Variants in CD9 observed in about 807,000 individuals in gnomAD.
CD9 encodes the protein CD9 molecule.
In CD9, 10 loss-of-function variants were observed where a neutral mutation model predicts 31.4. The observed-to-expected ratio is 0.32, with a 90% CI of 0.20 to 0.54. The LOEUF is 0.54. Among genes scored for constraint, CD9 ranks in the 20% least tolerant of loss-of-function variants. CD9 has a pLI of 0.94. For missense variants in CD9, 259 were observed against 300.1 expected (o/e 0.86, Z 1.01); for synonymous variants, 113 against 114.1 (o/e 0.99, Z 0.06).
Position 6,204,988 on chromosome 12 carries a change from T to C in CD9, c.66+4423T>C, listed in dbSNP as rs568555092. ...GAAGGCCCCGCTTCTGAAAATAAAA[T>C]TGCCTGTCAGAGAAACCCTAAGGAT... On this transcript the variant is annotated intron_variant, in intron 1 of 7. Coordinates refer to ENST00000009180, the MANE Select transcript of CD9 (RefSeq NM_001769.4). Among the ~76,000 whole-genome samples the C allele has an allele frequency of 1.2e-3, 184 of 152,302 alleles. 4 individuals are homozygous for C. In the South Asian group the frequency reaches 0.031, roughly 26 times the overall value.
Position 6,233,425 on chromosome 12 carries a change from T to G in CD9, c.287T>G (p.Leu96Arg). 1 of 1,614,098 alleles carries G rather than the reference T, an allele frequency of 6.2e-7. No individual in the cohort carries two copies. The highest frequency in any genetic ancestry group is 8.5e-7 in the Non-Finnish European group (1 of 1,179,908). ...GTTGCCTTCCAGTTCTTCGGCTTCC[T>G]CTTGGTGATATTCGCCATTGAAATA... Reference protein sequence around the residue: ...QCMLGLFFGFLLVIFAIEIAA... With the variant: ...QCMLGLFFGFRLVIFAIEIAA... Residue 96 changes from leucine to arginine, a missense_variant, in exon 4 of 8, where the codon CTC (leucine) becomes CGC (arginine). Coordinates refer to ENST00000009180, the MANE Select transcript of CD9 (RefSeq NM_001769.4).
chr12:6,234,530 G>T (rs555302734), intron 4 of CD9: 3 of 152,222 alleles, frequency 2.0e-5, no homozygotes, highest in African/African-American at 7.2e-5. Context: ...AAATAGGAGG[G>T]GATCATTGTG....
intron 7 of CD9, among the ~76,000 whole-genome samples, chr12:6,237,436 G>A (rs892453211): frequency 6.6e-6 from 1 of 152,050 alleles, no homozygotes; most frequent in African/African-American, 2.4e-5. Flanking sequence ...AAATGCAAAA[G>A]TACTAACCTG....
Position 6,238,001 on chromosome 12 carries a change from C to G in CD9, c.*173C>G. 1 of 537,976 alleles carries G rather than the reference C, an allele frequency of 1.9e-6. No individual in the cohort carries two copies. Among genetic ancestry groups the G allele is most frequent in the Non-Finnish European group, 3.4e-6 (1 of 297,934 alleles). 33.3% of individuals were successfully genotyped at this position (537,976 alleles called of 1,614,324 possible). A position where few individuals can be genotyped will look rare whatever the true frequency, so the allele number is the denominator to read the frequency against. On this transcript the variant is annotated 3_prime_UTR_variant, in exon 8 of 8. Coordinates refer to ENST00000009180, the MANE Select transcript of CD9 (RefSeq NM_001769.4). ...GTTACTTTATGTTTGTCTTTTAATG[C>G]TTCATTCAATATTGACATTTGTAGT...
At position 6,236,223 on chromosome 12, in the gene CD9, A is replaced by G. The variant is rs1437799550; in HGVS notation, c.569A>G (p.Asp190Gly). The G allele has an allele frequency of 2.5e-6, 4 of 1,614,108 alleles. No homozygotes were observed. Among genetic ancestry groups the G allele is most frequent in the Admixed American group, 1.7e-5 (1 of 60,012 alleles). The change falls in exon 7 of 8, where the codon GAC (aspartate) becomes GGC (glycine). Residue 190 changes from aspartate (D) to glycine (G), a missense_variant. Transcript: ENST00000009180. ...SCPDAIKEVF[D>G]NKFHIIGAVG... is the part of the protein sequence containing the mutation. ...CCTGATGCCATCAAAGAGGTCTTCG[A>G]CAATAAATTCCACATCATCGGCGCA...
intron 1 of CD9, among the ~76,000 whole-genome samples, chr12:6,204,180 A>G (rs1048003261): frequency 6.6e-6 from 1 of 152,182 alleles, no homozygotes; most frequent in African/African-American, 2.4e-5. Context: ...CTTGGAACAA[A>G]TGGTCTCAAA....
At chr12:6,211,610 G>A (rs550552945) in intron 1 of CD9, among the ~76,000 whole-genome samples, 2 of 152,366 alleles carry the variant, frequency 1.3e-5, no homozygotes, top group Admixed American at 6.5e-5. Flanking sequence ...GCTAGAGTGT[G>A]TCAGCAAGAG....
chr12:6,210,273 T>G (rs377114341), intron 1 of CD9, among the ~76,000 whole-genome samples: 2 of 152,330 alleles, frequency 1.3e-5, no homozygotes, highest in African/African-American at 4.8e-5. Context: ...GTCCCGTCTA[T>G]GGACACAATG....
At chr12:6,209,953 G>A (rs1237075423) in intron 1 of CD9, among the ~76,000 whole-genome samples, 2 of 152,160 alleles carry the variant, frequency 1.3e-5, no homozygotes, top group African/African-American at 4.8e-5. Flanking sequence ...CCAAAGTGCT[G>A]GGATTACAGG....
At chr12:6,229,878 C>G (rs1946421648) in intron 2 of CD9, among the ~76,000 whole-genome samples, 1 of 150,580 alleles carries the variant, frequency 6.6e-6, no homozygotes, top group East Asian at 1.9e-4. Flanking sequence ...GAATAAACAA[C>G]CCTTAAGCAA....
At chr12:6,230,232 G>C (rs1946426089) in intron 2 of CD9, among the ~76,000 whole-genome samples, 1 of 152,082 alleles carries the variant, frequency 6.6e-6, no homozygotes, top group Non-Finnish European at 1.5e-5. Context: ...CTAAAGCTAG[G>C]CACTGCAGAT....
intron 1 of CD9, among the ~76,000 whole-genome samples, chr12:6,217,292 TG>T (rs1449040815): frequency 6.6e-6 from 1 of 151,810 alleles, no homozygotes; most frequent in Non-Finnish European, 1.5e-5. Context: ...GAGGCCAAGG[TG>T]GGTGGATTGC....
At chr12:6,201,017 A>AG (rs1946070031) in intron 1 of CD9, 1 of 153,754 alleles carries the variant, frequency 6.5e-6, no homozygotes, top group Non-Finnish European at 1.4e-5. Context: ...CCCAGGTAGT[A>AG]GGGGGCGCCA....
At chr12:6,221,135 G>A (rs762162397) in intron 1 of CD9, among the ~76,000 whole-genome samples, 4 of 152,112 alleles carry the variant, frequency 2.6e-5, no homozygotes, top group African/African-American at 9.7e-5. Flanking sequence ...GTGAAGAAAC[G>A]AAGAAATTTC....
chr12:6,234,613 G>C (rs574580426), intron 4 of CD9, among the ~76,000 whole-genome samples: 1 of 152,366 alleles, frequency 6.6e-6, no homozygotes, highest in African/African-American at 2.4e-5. Flanking sequence ...GAGCATCAAA[G>C]GGGCAGACAG....
At chr12:6,225,122 T>C (rs1946345652) in intron 1 of CD9, 1 of 338,904 alleles carries the variant, frequency 3.0e-6, no homozygotes, top group Non-Finnish European at 5.4e-6. Flanking sequence ...TGAGATGCAC[T>C]CATGGTGTTG....
Position 6,233,452 on chromosome 12 carries a change from C to T in CD9, c.314C>T (p.Ala105Val). 6.2e-7 allele frequency: 1 copy of T among 1,614,110 alleles called. No individual in the cohort carries two copies. Among genetic ancestry groups the T allele is most frequent in the South Asian group, 1.1e-5 (1 of 91,084 alleles). Residue 105 changes from alanine to valine, a missense_variant, in exon 4 of 8, where the codon GCT becomes GTT. Ala to Val is a moderately conservative substitution (Grantham distance 64). Transcript: ENST00000009180. ...FLLVIFAIEI[A>V]AAIWGYSHKD... is the part of the protein sequence containing the mutation. ...TTGGTGATATTCGCCATTGAAATAG[C>T]TGCGGCCATCTGGGGATATTCCCAC...
In CD9 at chr12:6,214,590, C is replaced by G. The variant is rs572651701; in HGVS notation, c.67-10836C>G. On this transcript the variant is annotated intron_variant, in intron 1 of 7. Transcript: ENST00000009180. ...TCTCCAACTCCTGAGCTCAAGCATT[C>G]CGCCCCCCTCTCAGCCTCCCAAAGT... Among the ~76,000 whole-genome samples the G allele has an allele frequency of 6.6e-5, 10 of 152,136 alleles. No individual in the cohort carries two copies. In the South Asian group the frequency reaches 2.1e-3, roughly 32 times the overall value.
At chr12:6,217,712 C>G (rs1032839893) in intron 1 of CD9, among the ~76,000 whole-genome samples, 34 of 152,126 alleles carry the variant, frequency 2.2e-4, no homozygotes, top group Admixed American at 7.9e-4. Flanking sequence ...CATTGCTTTT[C>G]CAGGAGGACA....
Sources: allele counts gnomAD v4.1 joint callset (sites outside exome capture counted in the v4.1 genomes callset), GRCh38; gene constraint gnomAD v4.1.1; transcripts MANE v1.5; gene names NCBI Gene and HGNC (gene_info 2026-07-23, HGNC 2026-07-21).